The following DST variants were observed in gnomAD, a reference collection of about 807,000 sequenced individuals.
DST encodes the protein dystonin.
A neutral mutation model predicts 875.2 loss-of-function variants in DST; 253 were observed. That is an observed-to-expected ratio of 0.29 (90% confidence interval 0.26 to 0.32). The LOEUF (loss-of-function observed/expected upper bound fraction) is 0.32, where lower values mean the gene tolerates loss of function less well. Among genes scored for constraint, DST ranks in the 10% least tolerant of loss-of-function variants. The pLI is 1.00. For synonymous variants in DST, 3,124 were observed against 3,197.1 expected, an observed-to-expected ratio of 0.98 and a Z score of 0.77; for missense variants, 8,287 against 9,111.6, an observed-to-expected ratio of 0.91 and a Z score of 3.68.
chr6:56,745,040 A>G (rs1266125085), intron 4 of DST, among the ~76,000 whole-genome samples: 1 of 152,190 alleles, frequency 6.6e-6, no homozygotes, highest in Non-Finnish European at 1.5e-5. Flanking sequence ...AAGCTACTTA[A>G]TAACTCTGAG....
chr6:56,554,597 T>C (rs966008443), intron 60 of DST, among the ~76,000 whole-genome samples: 2 of 152,192 alleles, frequency 1.3e-5, no homozygotes, highest in African/African-American at 4.8e-5. Context: ...TTAATACCTA[T>C]CACATAACTG....
intron 4 of DST, among the ~76,000 whole-genome samples, chr6:56,767,792 C>A (rs1334423467): frequency 6.6e-6 from 1 of 151,910 alleles, no homozygotes; most frequent in Non-Finnish European, 1.5e-5. Context: ...ATCAGAGAGT[C>A]CCCATTGAGA....
At position 56,597,662 on chromosome 6, in the gene DST, A is replaced by G. The variant is rs2152696082; in HGVS notation, c.12195+78T>C. ...CTTTTGTCAGTAAGGTTTGAAAAGA[A>G]CTCATGTGCTAGGTTATTTCTCTCT... On this transcript the variant is annotated intron_variant, in intron 47 of 103. Transcript: ENST00000680361. The G allele has an allele frequency of 2.8e-6, 4 of 1,443,714 alleles. No homozygotes were observed. The East Asian group carries it at 9.2e-5, about 33-fold the overall frequency. The allele number at this position is 1,443,714 out of a possible 1,614,324, so 89.4% of individuals were successfully genotyped here.
At chr6:56,664,233 A>G (rs553253996) in intron 10 of DST, among the ~76,000 whole-genome samples, 2 of 152,326 alleles carry the variant, frequency 1.3e-5, no homozygotes, top group East Asian at 1.9e-4. Flanking sequence ...GTTTGCACAC[A>G]GAGCAATGTT....
At chr6:56,754,597 T>C (rs2099597074) in intron 4 of DST, among the ~76,000 whole-genome samples, 4 of 152,076 alleles carry the variant, frequency 2.6e-5, no homozygotes, top group Admixed American at 2.6e-4. Context: ...ACTGAAGATA[T>C]AGCCCCTGAA....
In DST at chr6:56,703,678, C is replaced by T. The variant is rs1448937825; in HGVS notation, c.846G>A (p.Gln282=). ...VSATEACEYE[Q]HEDVEDEDKG... ...TATCCTCATCCTCCACATCCTCATG[C>T]TGTTCATATTCGCATGCTTCTGTTG... Residue 282 remains glutamine, a synonymous_variant, in exon 7 of 104, where the codon CAG becomes CAA. Coordinates refer to ENST00000680361, the MANE Select transcript of DST (RefSeq NM_001374736.1). 1.0e-6 allele frequency: 1 copy of T among 985,242 alleles called. No individual in the cohort carries two copies. Among genetic ancestry groups the T allele is most frequent in the Non-Finnish European group, 1.2e-6 (1 of 829,842 alleles). 61.0% of individuals were successfully genotyped at this position (985,242 alleles called of 1,614,324 possible). A position where few individuals can be genotyped will look rare whatever the true frequency, so the allele number is the denominator to read the frequency against.
intron 3 of DST, among the ~76,000 whole-genome samples, chr6:56,879,601 A>G (rs1342623838): frequency 6.6e-6 from 1 of 152,226 alleles, no homozygotes; most frequent in African/African-American, 2.4e-5. Context: ...GAATTTTTGC[A>G]TACATCCATA....
At chr6:56,710,420 C>A (rs1463953756) in intron 5 of DST, among the ~76,000 whole-genome samples, 1 of 152,162 alleles carries the variant, frequency 6.6e-6, no homozygotes, top group East Asian at 1.9e-4. Context: ...CAAATGAGAT[C>A]GCCTCACTGG....
intron 45 of DST, among the ~76,000 whole-genome samples, 174 bp from the exon 46 acceptor site, chr6:56,598,883 A>C (rs1264332192): frequency 6.6e-6 from 1 of 152,128 alleles, no homozygotes; most frequent in Non-Finnish European, 1.5e-5. Context: ...ATATAATTTG[A>C]AACTCAAACA....
At chr6:56,756,608 A>T (rs1295175374) in intron 4 of DST, among the ~76,000 whole-genome samples, 1 of 152,228 alleles carries the variant, frequency 6.6e-6, no homozygotes, top group Admixed American at 6.5e-5. Context: ...TGCAAAAGCC[A>T]CATCTCTCCC....
At chr6:56,840,417 T>A (rs1237386776) in intron 4 of DST, among the ~76,000 whole-genome samples, 1 of 152,198 alleles carries the variant, frequency 6.6e-6, no homozygotes, top group Non-Finnish European at 1.5e-5. Context: ...AAGAATTATG[T>A]TTTACTCAAA....
intron 57 of DST, 39 bp downstream of exon 57, chr6:56,561,267 TTC>T: frequency 6.4e-7 from 1 of 1,559,178 alleles, no homozygotes; most frequent in Non-Finnish European, 8.7e-7. Flanking sequence ...TGCTAATCCA[TTC>T]TCTTTCATGT....
chr6:56,789,014 A>G (rs2099710554), intron 4 of DST, among the ~76,000 whole-genome samples: 1 of 152,168 alleles, frequency 6.6e-6, no homozygotes, highest in Non-Finnish European at 1.5e-5. Flanking sequence ...TACAATATGA[A>G]ATACATATGA....
Position 56,460,227 on chromosome 6 carries a change from G to C in DST, c.23098C>G (p.Arg7700Gly). The change falls in exon 103 of 104, where the codon CGA becomes GGA. Residue 7700 changes from arginine to glycine, a missense_variant. Around this residue, in one of 10 missense-constraint regions of DST, gnomAD observed 240 missense variants for 237.3 expected, o/e 1.01. Transcript: ENST00000680361. ...TTCCCTGATAAATATCCTGGAAGTC[G>C]AAGCTTGCTTCCTTGTATTGGCGTT... ...EGTPIQGSKL[R>G]LPGYLSGKGF... 1 of 1,613,920 alleles carries C rather than the reference G, an allele frequency of 6.2e-7. No individual in the cohort carries two copies. The highest frequency in any genetic ancestry group is 8.5e-7 in the Non-Finnish European group (1 of 1,179,864).
At chr6:56,792,939 T>C (rs530777751) in intron 4 of DST, among the ~76,000 whole-genome samples, 1 of 151,746 alleles carries the variant, frequency 6.6e-6, no homozygotes, top group South Asian at 2.1e-4. Flanking sequence ...CATGGTGGCA[T>C]GTACCTGTAG....
rs2095958100 is a variant in DST at position 56,497,500 on chromosome 6, C to T, written c.20102G>A (p.Gly6701Glu). The T allele has an allele frequency of 6.2e-7, 1 of 1,612,550 alleles. No individual in the cohort carries two copies. The highest frequency in any genetic ancestry group is 1.3e-5 in the African/African-American group (1 of 74,822). The change falls in exon 82 of 104, where the codon GGG (glycine) becomes GAG (glutamate). Residue 6701 changes from glycine (G) to glutamate (E), a missense_variant. This residue lies in a region of DST where 1,292 missense variants were observed against 1,552.7 expected (regional missense o/e 0.83). Transcript: ENST00000680361. ...CAAATCCTCAATTTCGCCATGGAAC[C>T]CTTTGGCCTGAAGTAATAGGCAGTT... ...QLDGALRQAK[G>E]FHGEIEDLQQ...
intron 4 of DST, among the ~76,000 whole-genome samples, chr6:56,745,495 G>A (rs541642182): frequency 2.0e-4 from 31 of 152,138 alleles, no homozygotes; most frequent in African/African-American, 7.0e-4. Context: ...TTAGAAATAA[G>A]ACAATTCTTA....
At chr6:56,565,373 C>T (rs1428752135) in intron 55 of DST, among the ~76,000 whole-genome samples, 1 of 152,054 alleles carries the variant, frequency 6.6e-6, no homozygotes, top group African/African-American at 2.4e-5. Context: ...CTCGCCTTGG[C>T]CTCCAAAAGT....
At chr6:56,622,398 G>A (rs1307478649) in intron 36 of DST, among the ~76,000 whole-genome samples, 15 of 151,798 alleles carry the variant, frequency 9.9e-5, no homozygotes, top group African/African-American at 3.1e-4. Flanking sequence ...GTGAAACCCC[G>A]TCTCTACTAA....
Sources: gnomAD v4.1 joint callset for allele counts (sites outside exome capture counted in the v4.1 genomes callset) on GRCh38, gnomAD v4.1.1 for gene constraint, gnomAD v4.1.1 regional missense constraint, MANE v1.5 for transcripts, NCBI Gene and HGNC (gene_info 2026-07-23, HGNC 2026-07-21) for gene names.